The following GLRA1 variants were observed in gnomAD, a reference collection of about 807,000 sequenced individuals.
GLRA1 encodes glycine receptor alpha 1.
Under a neutral mutation model 48.3 loss-of-function variants are expected in GLRA1, and 37 were observed. The observed-to-expected ratio is 0.77, with a 90% CI of 0.59 to 1.01. The LOEUF is 1.01. GLRA1 is among the 50% of genes least tolerant of loss of function. The pLI is 0.00. For missense variants in GLRA1, 427 were observed against 571.0 expected (o/e 0.75, Z 2.57); for synonymous variants, 196 against 210.7 (o/e 0.93, Z 0.60).
chr5:151,892,430 G>T lies in GLRA1; in HGVS notation c.65C>A (p.Ala22Asp). The T allele has an allele frequency of 1.2e-6, 2 of 1,614,030 alleles. No homozygotes were observed. The highest frequency in any genetic ancestry group is 1.1e-5 in the South Asian group (1 of 91,082). The change falls in exon 2 of 9, where the codon GCT becomes GAT. Residue 22 changes from alanine to aspartate, a missense_variant. This residue lies in a region of GLRA1 where 271 missense variants were observed against 434.9 expected (regional missense o/e 0.62). Transcript: ENST00000274576. ...GCGAGCAGCTTCAGCCTCCTTAGAA[G>T]CAGCAAGGCTAAGGAGGAAGAGAGG... ...WETIVFFSLA[A>D]SKEAEAARSA...
At chr5:151,834,778 A>T (rs1763523649) in intron 7 of GLRA1, among the ~76,000 whole-genome samples, 1 of 152,166 alleles carries the variant, frequency 6.6e-6, no homozygotes, top group Non-Finnish European at 1.5e-5. Flanking sequence ...CTGTAATCCC[A>T]GCACTTTGGG....
intron 1 of GLRA1, among the ~76,000 whole-genome samples, chr5:151,904,588 G>T (rs964726726): frequency 6.6e-6 from 1 of 152,142 alleles, no homozygotes; most frequent in Non-Finnish European, 1.5e-5. Flanking sequence ...GGCTGAAAAA[G>T]GGCATGCTCC....
intron 3 of GLRA1, among the ~76,000 whole-genome samples, chr5:151,861,454 G>T (rs1256975427): frequency 7.9e-5 from 12 of 152,186 alleles, no homozygotes; most frequent in African/African-American, 2.7e-4. Flanking sequence ...TTGTGGTTTT[G>T]ATTTGCATTT....
At position 151,851,495 on chromosome 5, in the gene GLRA1, G is replaced by A. The variant is rs997429196; in HGVS notation, c.807C>T (p.Ser269=). 1.2e-6 allele frequency: 2 copies of A among 1,613,890 alleles called. No homozygotes were observed. Among genetic ancestry groups the A allele is most frequent in the Non-Finnish European group, 1.7e-6 (2 of 1,179,748 alleles). The change falls in exon 7 of 9, where the codon TCC becomes TCT. Residue 269 remains serine (S), a synonymous_variant. Coordinates refer to ENST00000274576, the MANE Select transcript of GLRA1 (RefSeq NM_000171.4). ...SLLIVILSWI[S]FWINMDAAPA... ...GTGCAGCATCCATGTTGATCCAGAA[G>A]GAGATCCATGAGAGGATGACAATGA...
intron 3 of GLRA1, among the ~76,000 whole-genome samples, chr5:151,876,368 C>T (rs976264185): frequency 6.6e-6 from 1 of 152,028 alleles, no homozygotes; most frequent in Non-Finnish European, 1.5e-5. Context: ...GACCAGATTG[C>T]TGCTTTAGTA....
intron 7 of GLRA1, among the ~76,000 whole-genome samples, chr5:151,834,277 CT>C (rs1334755337): frequency 1.3e-5 from 2 of 152,202 alleles, no homozygotes; most frequent in Non-Finnish European, 2.9e-5. Context: ...CAAACAGTCT[CT>C]CAGACCACAG....
chr5:151,848,845 T>G (rs945701109), intron 7 of GLRA1: 2 of 556,730 alleles, frequency 3.6e-6, no homozygotes, highest in African/African-American at 3.8e-5. Flanking sequence ...TGGCCTACCT[T>G]TACCCGCCCG....
At chr5:151,850,496 C>T (rs1020290841) in intron 7 of GLRA1, 91 of 1,024,456 alleles carry the variant, frequency 8.9e-5, no homozygotes, top group Non-Finnish European at 1.3e-4. Flanking sequence ...AGGAGGCCAT[C>T]GAGAAACTAA....
chr5:151,825,249 C>G (rs547211295), intron 8 of GLRA1, among the ~76,000 whole-genome samples: 8 of 152,306 alleles, frequency 5.3e-5, no homozygotes, highest in African/African-American at 1.7e-4. Context: ...AAGTCTGACT[C>G]TATTGCATTT....
At position 151,892,379 on chromosome 5, in the gene GLRA1, GAGGGTGACAT is replaced by G; in HGVS notation, c.106_115del (p.Met36ArgfsTer7). 2.5e-6 allele frequency: 4 copies of G among 1,613,992 alleles called. No homozygotes were observed. Among genetic ancestry groups the G allele is most frequent in the Non-Finnish European group, 3.4e-6 (4 of 1,179,886 alleles). On this transcript the variant is annotated frameshift_variant, in exon 2 of 9. Coordinates refer to ENST00000274576, the MANE Select transcript of GLRA1 (RefSeq NM_000171.4). LOFTEE classifies it high-confidence loss of function. ...CCCCATTAGCTTATCCAGGAAATCC[GAGGGTGACAT>G]AGGCTTGGGTGCGGAGCGAGCAGCT... is the stretch of plus-strand genomic sequence containing the variant.
chr5:151,852,597 ACTGTAAG>A (rs1035634742), intron 6 of GLRA1, among the ~76,000 whole-genome samples: 6 of 152,206 alleles, frequency 3.9e-5, no homozygotes, highest in Non-Finnish European at 7.3e-5. Context: ...AGTTCCCTGG[ACTGTAAG>A]CTGTAGGCAG....
chr5:151,903,917 CATAA>C (rs1268067679), intron 1 of GLRA1, among the ~76,000 whole-genome samples: 10 of 152,328 alleles, frequency 6.6e-5, no homozygotes, highest in Middle Eastern at 3.4e-3. Flanking sequence ...AGAGCTGATA[CATAA>C]ATCTAATCGA....
At chr5:151,899,768 C>T (rs1253804851) in intron 1 of GLRA1, among the ~76,000 whole-genome samples, 1 of 152,120 alleles carries the variant, frequency 6.6e-6, no homozygotes, top group Non-Finnish European at 1.5e-5. Context: ...TCATGATCTG[C>T]TAAGCACCCC....
At position 151,886,723 on chromosome 5, in the gene GLRA1, T is replaced by C; in HGVS notation, c.250A>G (p.Met84Val). The change falls in exon 3 of 9, where the codon ATG becomes GTG. Residue 84 changes from methionine (M) to valine (V), a missense_variant and splice_region_variant. By Grantham distance (21) the Met-to-Val change is conservative. Coordinates refer to ENST00000274576, the MANE Select transcript of GLRA1 (RefSeq NM_000171.4). ...AGCTTGTGTTTTGACTTACTCACCA[T>C]GGTTGTCTCAGCAATGGAACCAAAG... ...NSFGSIAETTMDYRVNIFLRQ... is the reference protein window; with the variant it reads ...NSFGSIAETTVDYRVNIFLRQ... 2.5e-6 allele frequency: 4 copies of C among 1,606,080 alleles called. No individual in the cohort carries two copies. The highest frequency in any genetic ancestry group is 3.4e-6 in the Non-Finnish European group (4 of 1,172,662).
chr5:151,833,701 T>A (rs1035100469), intron 7 of GLRA1, among the ~76,000 whole-genome samples: 2 of 148,114 alleles, frequency 1.4e-5, no homozygotes, highest in South Asian at 4.3e-4. Context: ...GACCTCAGGC[T>A]ATCCACCTGC....
chr5:151,829,880 C>G (rs1332883282), intron 7 of GLRA1, among the ~76,000 whole-genome samples: 1 of 152,208 alleles, frequency 6.6e-6, no homozygotes, highest in Non-Finnish European at 1.5e-5. Context: ...GGTTCATTCA[C>G]ATCGTAACAT....
chr5:151,862,301 A>C (rs1753228204), intron 3 of GLRA1, among the ~76,000 whole-genome samples: 1 of 152,232 alleles, frequency 6.6e-6, no homozygotes, highest in Non-Finnish European at 1.5e-5. Flanking sequence ...TAAAGACTTA[A>C]ATGTTAGACC....
intron 1 of GLRA1, among the ~76,000 whole-genome samples, chr5:151,918,149 C>T (rs1204757957): frequency 6.6e-6 from 1 of 152,188 alleles, no homozygotes; most frequent in African/African-American, 2.4e-5. Context: ...CAGTACCCCT[C>T]ATAAGAGCTT....
At chr5:151,884,511 T>C (rs958174375) in intron 3 of GLRA1, among the ~76,000 whole-genome samples, 1 of 152,212 alleles carries the variant, frequency 6.6e-6, no homozygotes, top group African/African-American at 2.4e-5. Flanking sequence ...GTATGTTAAT[T>C]ACCATTGGGA....
Sources: allele counts gnomAD v4.1 joint callset (sites outside exome capture counted in the v4.1 genomes callset), GRCh38; gene constraint gnomAD v4.1.1; regional missense constraint gnomAD v4.1.1; transcripts MANE v1.5; gene names NCBI Gene and HGNC (gene_info 2026-07-23, HGNC 2026-07-21).